The following ANLN variants were observed in gnomAD, a reference collection of about 807,000 sequenced individuals.
ANLN encodes the protein anillin.
ANLN carries 59 observed loss-of-function variants against 135.1 expected under a neutral mutation model. That is an observed-to-expected ratio of 0.44 (90% CI 0.35 to 0.54). The LOEUF is 0.54. ANLN is among the 20% of genes least tolerant of loss of function. ANLN has a pLI of 0.00. For synonymous variants in ANLN, 406 were observed against 456.4 expected, an observed-to-expected ratio of 0.89 and a Z score of 1.41; for missense variants, 1,182 against 1,340.0, an observed-to-expected ratio of 0.88 and a Z score of 1.84.
In ANLN at chr7:36,406,249, C is replaced by T; in HGVS notation, c.556C>T (p.Pro186Ser). The T allele has an allele frequency of 6.2e-7, 1 of 1,614,120 alleles. No individual in the cohort carries two copies. Among genetic ancestry groups the T allele is most frequent in the Admixed American group, 1.7e-5 (1 of 60,018 alleles). ...GGAAAAGGCTGCTTCCCCTCCCAGACCTCTGCTTTCAAATGCCTCGGCAAC... is the reference window on the plus strand; with the variant it reads ...GGAAAAGGCTGCTTCCCCTCCCAGATCTCTGCTTTCAAATGCCTCGGCAAC... Reference protein sequence around the residue: ...SEEKAASPPRPLLSNASATPV... With the variant: ...SEEKAASPPRSLLSNASATPV... Residue 186 changes from proline to serine, a missense_variant, in exon 4 of 24, where the codon CCT becomes TCT. Transcript: ENST00000265748.
intron 22 of ANLN, among the ~76,000 whole-genome samples, chr7:36,448,428 C>T (rs1008811464): frequency 6.6e-6 from 1 of 152,200 alleles, no homozygotes; most frequent in African/African-American, 2.4e-5. Context: ...CTCCCCACAA[C>T]ACACATGCAT....
chr7:36,442,600 A>G (rs918150005), intron 21 of ANLN, among the ~76,000 whole-genome samples: 2 of 151,802 alleles, frequency 1.3e-5, no homozygotes, highest in Non-Finnish European at 2.9e-5. Flanking sequence ...TTCCCAGATG[A>G]ATGTTGTTTT....
chr7:36,413,713 C>T (rs138681634), intron 7 of ANLN, among the ~76,000 whole-genome samples: 1,925 of 152,100 alleles, frequency 0.013, 42 homozygotes, highest in African/African-American at 0.044. Context: ...TCAAGGGGCT[C>T]GGCGTGGTGG....
intron 20 of ANLN, among the ~76,000 whole-genome samples, chr7:36,434,363 ATTCCTGT>A (rs1193971261): frequency 3.9e-5 from 6 of 152,242 alleles, no homozygotes; most frequent in Middle Eastern, 3.4e-3. Context: ...TCTCAGCAAA[ATTCCTGT>A]TGGGGAGAAT....
At position 36,422,008 on chromosome 7, in the gene ANLN, C is replaced by G. The variant is rs769114021; in HGVS notation, c.2299+16C>G. On this transcript the variant is annotated intron_variant, in intron 13 of 23. Coordinates refer to ENST00000265748, the MANE Select transcript of ANLN (RefSeq NM_018685.5). The stretch of plus-strand genomic sequence containing the variant: ...CTAATTGCAAGTAAGTGTGATGCAC[C>G]TGAAAGAGTTCCAACAAATTTCTAA... 2 of 1,600,158 alleles carry G rather than the reference C, an allele frequency of 1.2e-6. No homozygotes were observed. Among genetic ancestry groups the G allele is most frequent in the Non-Finnish European group, 1.7e-6 (2 of 1,176,024 alleles).
intron 22 of ANLN, among the ~76,000 whole-genome samples, chr7:36,447,263 T>G (rs1789043407): frequency 6.6e-6 from 1 of 152,120 alleles, no homozygotes; most frequent in South Asian, 2.1e-4. Context: ...ATACGATTTT[T>G]TTTCTCTCCT....
chr7:36,407,869 A>C lies in ANLN; in HGVS notation c.1009A>C (p.Thr337Pro). 6.2e-7 allele frequency: 1 copy of C among 1,613,952 alleles called. No homozygotes were observed. Among genetic ancestry groups the C allele is most frequent in the African/African-American group, 1.3e-5 (1 of 75,054 alleles). ...TGVSKPIVKS[T>P]LSQTVPSKGE... ...GGTATCGAAACCAATTGTGAAGTCA[A>C]CTTTATCCCAGACAGTTCCATCCAA... The change falls in exon 5 of 24, where the codon ACT becomes CCT. Residue 337 changes from threonine (T) to proline (P), a missense_variant. Around this residue, in one of 3 missense-constraint regions of ANLN, gnomAD observed 1,022 missense variants for 1,134.0 expected, o/e 0.90. Transcript: ENST00000265748.
rs189670748 is a variant in ANLN, at chr7:36,407,869, A to G, written c.1009A>G (p.Thr337Ala). 1.4e-5 allele frequency: 22 copies of G among 1,613,952 alleles called. No individual in the cohort carries two copies. In the African/African-American group the frequency reaches 1.9e-4, roughly 14 times the overall value. ...TGVSKPIVKS[T>A]LSQTVPSKGE... Reference sequence around the variant, plus strand: ...GGTATCGAAACCAATTGTGAAGTCAACTTTATCCCAGACAGTTCCATCCAA... The same window carrying G: ...GGTATCGAAACCAATTGTGAAGTCAGCTTTATCCCAGACAGTTCCATCCAA... The change falls in exon 5 of 24, where the codon ACT becomes GCT. Residue 337 changes from threonine (T) to alanine (A), a missense_variant. By Grantham distance (58) the Thr-to-Ala change is moderately conservative (BLOSUM62 0). Transcript: ENST00000265748.
Position 36,420,320 on chromosome 7 carries a change from A to T in ANLN, c.2015+6A>T. 6.2e-7 allele frequency: 1 copy of T among 1,613,314 alleles called. No homozygotes were observed. Among genetic ancestry groups the T allele is most frequent in the Non-Finnish European group, 8.5e-7 (1 of 1,179,496 alleles). On this transcript the variant is annotated splice_donor_region_variant and intron_variant, in intron 11 of 23. Transcript: ENST00000265748. ...GATCGTGATCTTCTTTACAGGTAAG[A>T]ACATTTCTGGAAGGCATTCACTCAC...
intron 20 of ANLN, among the ~76,000 whole-genome samples, chr7:36,428,153 G>A (rs1365435573): frequency 1.3e-5 from 2 of 152,146 alleles, no homozygotes; most frequent in African/African-American, 2.4e-5. Context: ...AAAGCAGACT[G>A]TATTTGAAGT....
Position 36,406,463 on chromosome 7 carries a change from C to G in ANLN, c.770C>G (p.Ala257Gly), listed in dbSNP as rs1196222840. 35 of 1,609,752 alleles carry G rather than the reference C, an allele frequency of 2.2e-5. No homozygotes were observed. The highest frequency in any genetic ancestry group is 2.7e-5 in the Non-Finnish European group (32 of 1,176,994). Residue 257 changes from alanine (A) to glycine (G), a missense_variant, in exon 4 of 24, where the codon GCT becomes GGT. Physicochemically the swap from Ala to Gly is moderately conservative, Grantham distance 60. This residue lies in a region of ANLN where 1,022 missense variants were observed against 1,134.0 expected (regional missense o/e 0.90). Transcript: ENST00000265748. Reference protein sequence around the residue: ...RINSSSVKQEATFCSQRDGDA... With the variant: ...RINSSSVKQEGTFCSQRDGDA... Reference sequence around the variant, plus strand: ...AATAGCAGCAGTGTTAAGCAGGAAGCTACATTCTGTTCCCAAAGGGATGGC... The same window carrying G: ...AATAGCAGCAGTGTTAAGCAGGAAGGTACATTCTGTTCCCAAAGGGATGGC...
chr7:36,413,241 T>A (rs1204398167), intron 7 of ANLN, among the ~76,000 whole-genome samples: 1 of 152,174 alleles, frequency 6.6e-6, no homozygotes, highest in Non-Finnish European at 1.5e-5. Flanking sequence ...CTCCATGTCA[T>A]GCAGACTCTT....
At chr7:36,417,230 A>G in intron 9 of ANLN, 40 bp downstream of exon 9, 1 of 1,110,414 alleles carries the variant, frequency 9.0e-7, no homozygotes, top group Non-Finnish European at 1.3e-6. Context: ...CTTTGCACAT[A>G]CTATAGGAAA....
At chr7:36,407,141 G>A (rs1489981957) in intron 4 of ANLN, among the ~76,000 whole-genome samples, 2 of 152,092 alleles carry the variant, frequency 1.3e-5, no homozygotes, top group African/African-American at 4.8e-5. Flanking sequence ...TGTAGAGCTA[G>A]GCTTTAGAAT....
At chr7:36,447,570 G>C (rs1789062469) in intron 22 of ANLN, among the ~76,000 whole-genome samples, 1 of 151,784 alleles carries the variant, frequency 6.6e-6, no homozygotes, top group South Asian at 2.1e-4. Context: ...GACTACAGGT[G>C]CCCGCCACCA....
At chr7:36,427,092 T>C in intron 20 of ANLN, 64 bp downstream of exon 20, 1 of 1,003,026 alleles carries the variant, frequency 1.0e-6, no homozygotes, top group South Asian at 1.6e-5. Flanking sequence ...ATTAGCTCAA[T>C]GGAAATGCCA....
chr7:36,428,373 T>G (rs1788173031), intron 20 of ANLN: 1 of 1,278,368 alleles, frequency 7.8e-7, no homozygotes, highest in African/African-American at 1.5e-5. Context: ...TGCCATTATT[T>G]TCTTTGCTTG....
At chr7:36,439,147 C>A in intron 20 of ANLN, 57 bp from the exon 21 acceptor site, 1 of 962,910 alleles carries the variant, frequency 1.0e-6, no homozygotes, top group Non-Finnish European at 1.7e-6. Context: ...CATGATTTAT[C>A]AAGAAAAATC....
In ANLN at chr7:36,449,850, C is replaced by G. The variant is rs371793997; in HGVS notation, c.3251+13C>G. On this transcript the variant is annotated intron_variant, in intron 23 of 23. Coordinates refer to ENST00000265748, the MANE Select transcript of ANLN (RefSeq NM_018685.5). Reference sequence around the variant, plus strand: ...TCTGTGTTACCAAGTATGTATTGGCCTATAAATATTTCTATCAACTAAGCA... The same window carrying G: ...TCTGTGTTACCAAGTATGTATTGGCGTATAAATATTTCTATCAACTAAGCA... The G allele has an allele frequency of 2.7e-5, 43 of 1,606,898 alleles. No individual in the cohort carries two copies. The highest frequency in any genetic ancestry group is 3.7e-5 in the Non-Finnish European group (43 of 1,176,568).
Sources: gnomAD v4.1 joint callset for allele counts (sites outside exome capture counted in the v4.1 genomes callset) on GRCh38, gnomAD v4.1.1 for gene constraint, gnomAD v4.1.1 regional missense constraint, MANE v1.5 for transcripts, NCBI Gene and HGNC (gene_info 2026-07-23, HGNC 2026-07-21) for gene names.